Variants in LRMDA observed in about 807,000 individuals in gnomAD.
LRMDA encodes leucine-rich melanocyte differentiation-associated protein.
In LRMDA, 18 loss-of-function variants were observed where a neutral mutation model predicts 29.8. The ratio of observed to expected loss-of-function variants is 0.60; its 90% CI spans 0.42 to 0.90. The LOEUF is 0.90. Among genes scored for constraint, LRMDA ranks in the 40% least tolerant of loss-of-function variants. LRMDA has a pLI of 0.00. For missense variants in LRMDA, 273 were observed against 273.9 expected (o/e 1.00, Z 0.02); for synonymous variants, 125 against 109.4 (o/e 1.14, Z -0.89).
At position 76,191,029 on chromosome 10, in the gene LRMDA, C is replaced by T. The variant is rs552060320; in HGVS notation, c.516+132246C>T. On this transcript the variant is annotated intron_variant, in intron 5 of 6. Transcript: ENST00000611255. ...GAAGAGATCAGAAAAGAGAGATTTA[C>T]GGCTTAGGTTGCCCCAAGCCACACA... Among the ~76,000 whole-genome samples the T allele has an allele frequency of 1.6e-4, 24 of 152,248 alleles. No homozygotes were observed. In the South Asian group the frequency reaches 2.7e-3, roughly 17 times the overall value.
At chr10:76,514,698 G>A (rs1843042197) in intron 6 of LRMDA, among the ~76,000 whole-genome samples, 2 of 152,110 alleles carry the variant, frequency 1.3e-5, no homozygotes, top group African/African-American at 4.8e-5. Flanking sequence ...GCCCAGATGT[G>A]AGGCTGGGGG....
chr10:76,250,742 G>A lies in LRMDA; in HGVS notation c.517-73659G>A, dbSNP rs184946878. Among the ~76,000 whole-genome samples the A allele has an allele frequency of 2.2e-3, 341 of 152,238 alleles. 2 individuals are homozygous for A. The highest frequency in any genetic ancestry group is 7.9e-3 in the African/African-American group (328 of 41,538). On this transcript the variant is annotated intron_variant, in intron 5 of 6. Transcript: ENST00000611255. Reference sequence around the variant, plus strand: ...CTTTGCACCTGAAGGAGCATTGAGGGTGAAAAATAGAGGCCTGTTTCCTGT... The same window carrying A: ...CTTTGCACCTGAAGGAGCATTGAGGATGAAAAATAGAGGCCTGTTTCCTGT...
intron 6 of LRMDA, among the ~76,000 whole-genome samples, chr10:76,365,687 C>T (rs947463867): frequency 6.6e-6 from 1 of 152,198 alleles, no homozygotes; most frequent in African/African-American, 2.4e-5. Flanking sequence ...TTCTCCCGCT[C>T]TGCGGGTTGT....
intron 2 of LRMDA, among the ~76,000 whole-genome samples, chr10:75,645,346 G>A (rs117753350): frequency 0.013 from 1,958 of 152,266 alleles, 15 homozygotes; most frequent in Non-Finnish European, 0.021. Context: ...TGTTATAGAT[G>A]AGGAAATGGA....
chr10:76,289,113 G>A (rs901138673), intron 5 of LRMDA, among the ~76,000 whole-genome samples: 7 of 152,178 alleles, frequency 4.6e-5, no homozygotes, highest in Non-Finnish European at 8.8e-5. Flanking sequence ...TGTTGGATTT[G>A]CATAAGATTA....
intron 2 of LRMDA, among the ~76,000 whole-genome samples, chr10:75,506,830 G>A (rs191526689): frequency 7.2e-5 from 11 of 152,304 alleles, no homozygotes; most frequent in African/African-American, 2.6e-4. Flanking sequence ...GGCACGAGGG[G>A]GTTGTTGTGG....
At chr10:76,377,505 TAGGGTTTTAATAGTTTG>T (rs1841535755) in intron 6 of LRMDA, among the ~76,000 whole-genome samples, 1 of 152,200 alleles carries the variant, frequency 6.6e-6, no homozygotes, top group Admixed American at 6.5e-5. Context: ...AGTTTTCTTC[TAGGGTTTTAATAGTTTG>T]AGGTCTTTAT....
intron 2 of LRMDA, among the ~76,000 whole-genome samples, chr10:75,922,063 G>A (rs977005442): frequency 1.3e-5 from 2 of 152,128 alleles, no homozygotes; most frequent in African/African-American, 4.8e-5. Flanking sequence ...TAAACTTGTA[G>A]CAAGTCTTTC....
chr10:75,503,298 T>G (rs950556345), intron 2 of LRMDA, among the ~76,000 whole-genome samples: 2 of 152,172 alleles, frequency 1.3e-5, no homozygotes, highest in African/African-American at 2.4e-5. Flanking sequence ...ATTGGCTTCT[T>G]CTAGAACACT....
intron 6 of LRMDA, among the ~76,000 whole-genome samples, chr10:76,499,727 C>T (rs1842898525): frequency 1.3e-5 from 1 of 75,026 alleles, no homozygotes; most frequent in African/African-American, 3.2e-5. Flanking sequence ...GTTGTACTAA[C>T]ATTCTTTTTC....
At chr10:76,336,623 A>G (rs1412846900) in intron 6 of LRMDA, among the ~76,000 whole-genome samples, 1 of 152,040 alleles carries the variant, frequency 6.6e-6, no homozygotes, top group Non-Finnish European at 1.5e-5. Flanking sequence ...CCAAACACAG[A>G]CTGCCCAGAG....
In LRMDA at chr10:76,475,003, T is replaced by A. The variant is rs1329902127; in HGVS notation, c.602-82206T>A. 2.0e-5 allele frequency among the ~76,000 whole-genome samples: 3 copies of A among 151,966 alleles called. No homozygotes were observed. In the East Asian group the frequency reaches 5.8e-4, roughly 30 times the overall value. On this transcript the variant is annotated intron_variant, in intron 6 of 6. Transcript: ENST00000611255. Reference sequence around the variant, plus strand: ...GAGTGCATAAATAAAATGCAGTATATTCTTACAGTAGAATATTTGGCAATT... The same window carrying A: ...GAGTGCATAAATAAAATGCAGTATAATCTTACAGTAGAATATTTGGCAATT...
At chr10:75,824,275 T>C (rs1381229911) in intron 2 of LRMDA, among the ~76,000 whole-genome samples, 1 of 152,224 alleles carries the variant, frequency 6.6e-6, no homozygotes, top group African/African-American at 2.4e-5. Context: ...ACATTTAAAT[T>C]ATCTTTGTTG....
At chr10:76,087,436 G>A (rs1426440293) in intron 5 of LRMDA, among the ~76,000 whole-genome samples, 4 of 152,140 alleles carry the variant, frequency 2.6e-5, no homozygotes, top group African/African-American at 7.2e-5. Context: ...TCTGCATAGC[G>A]TAAGCTTTTG....
chr10:75,659,996 C>T (rs80118908), intron 2 of LRMDA, among the ~76,000 whole-genome samples: 2,044 of 152,168 alleles, frequency 0.013, 57 homozygotes, highest in African/African-American at 0.046. Flanking sequence ...AAGTCATAGG[C>T]GACTTTCTCT....
At chr10:75,557,139 C>A (rs1400089204) in intron 2 of LRMDA, among the ~76,000 whole-genome samples, 1 of 151,842 alleles carries the variant, frequency 6.6e-6, no homozygotes, top group Non-Finnish European at 1.5e-5. Flanking sequence ...CATGGCGAAA[C>A]CCTGTCTCTA....
chr10:75,817,376 G>GT (rs1378085715), intron 2 of LRMDA, among the ~76,000 whole-genome samples: 2 of 152,244 alleles, frequency 1.3e-5, no homozygotes, highest in African/African-American at 4.8e-5. Context: ...GATCATCTCT[G>GT]TAACAGGATG....
intron 5 of LRMDA, among the ~76,000 whole-genome samples, chr10:76,259,285 A>G (rs1354178898): frequency 6.6e-6 from 1 of 152,002 alleles, no homozygotes; most frequent in Non-Finnish European, 1.5e-5. Context: ...GTCTGTTTAG[A>G]TCATTTGCCT....
intron 2 of LRMDA, among the ~76,000 whole-genome samples, chr10:75,603,517 A>AATTC (rs1208107177): frequency 6.6e-6 from 1 of 152,314 alleles, no homozygotes; most frequent in Admixed American, 6.5e-5. Context: ...AACACTGTAA[A>AATTC]ATTCATAAGA....
Sources: allele counts gnomAD v4.1 joint callset (sites outside exome capture counted in the v4.1 genomes callset), GRCh38; gene constraint gnomAD v4.1.1; transcripts MANE v1.5; gene names NCBI Gene and HGNC (gene_info 2026-07-23, HGNC 2026-07-21).